BLTP1: variants seen among roughly 807,000 people sequenced by gnomAD.
BLTP1 encodes fragile site-associated protein.
chr4:122,226,412 T>C, the BLTP1 span: 35 of 1,135,972 alleles, frequency 3.1e-5, no homozygotes, highest in South Asian at 7.7e-4. Context: ...GGAAGATATA[T>C]AACCTTGAAT....
chr4:122,220,419 GCTGCAA>G, the BLTP1 span: 1 of 1,612,186 alleles, frequency 6.2e-7, no homozygotes, highest in Non-Finnish European at 8.5e-7. Flanking sequence ...GGGAGACCAT[GCTGCAA>G]CTTATCCTGT....
chr4:122,184,037 A>G, the BLTP1 span, among the ~76,000 whole-genome samples: 1 of 152,202 alleles, frequency 6.6e-6, no homozygotes, highest in African/African-American at 2.4e-5. Flanking sequence ...TTAAAAAAGA[A>G]AAGTTTAGTC....
the BLTP1 span, chr4:122,263,114 A>T: frequency 1.4e-6 from 2 of 1,386,922 alleles, no homozygotes; most frequent in Non-Finnish European, 1.9e-6. Flanking sequence ...TTGAGAAAAA[A>T]TTTTAGGAAT....
the BLTP1 span, chr4:122,205,817 C>CACACAT: frequency 4.6e-6 from 1 of 219,032 alleles, no homozygotes; most frequent in East Asian, 1.9e-4. Flanking sequence ...CACACACACA[C>CACACAT]GTTCTAATTT....
At chr4:122,275,972 A>G in the BLTP1 span, 1 of 1,558,170 alleles carries the variant, frequency 6.4e-7, no homozygotes. Flanking sequence ...TCATCTGTAG[A>G]CTGGAGGATT....
the BLTP1 span, chr4:122,196,585 TA>T: frequency 6.9e-7 from 1 of 1,446,160 alleles, no homozygotes; most frequent in Non-Finnish European, 9.5e-7. Context: ...TTATCAGAAG[TA>T]ATTTTGTTTG....
the BLTP1 span, chr4:122,264,549 C>T: frequency 1.4e-5 from 11 of 803,816 alleles, no homozygotes; most frequent in African/African-American, 1.8e-5. Context: ...TATCTGCCTA[C>T]AGCCTTCATG....
At chr4:122,153,994 G>A in the BLTP1 span, 1 of 984,840 alleles carries the variant, frequency 1.0e-6, no homozygotes, top group African/African-American at 1.7e-5. Context: ...AGAATACCTT[G>A]TATAATTAGT....
At chr4:122,330,693 T>C in the BLTP1 span, among the ~76,000 whole-genome samples, 639 of 152,054 alleles carry the variant, frequency 4.2e-3, 2 homozygotes, top group African/African-American at 0.014. Context: ...TTTCCATTGC[T>C]TTGCAGAAGC....
chr4:122,214,953 T>C, the BLTP1 span, among the ~76,000 whole-genome samples: 1 of 152,078 alleles, frequency 6.6e-6, no homozygotes, highest in African/African-American at 2.4e-5. Flanking sequence ...GATTTGGAAT[T>C]CATAAATTAA....
the BLTP1 span, among the ~76,000 whole-genome samples, chr4:122,314,299 GA>G: frequency 1.3e-5 from 2 of 152,054 alleles, no homozygotes; most frequent in African/African-American, 4.8e-5. Flanking sequence ...AAAAAAGATG[GA>G]AAAATGTTAA....
chr4:122,247,856 A>G, the BLTP1 span: 1 of 979,692 alleles, frequency 1.0e-6, no homozygotes, highest in Non-Finnish European at 1.2e-6. Flanking sequence ...ACATCATTTT[A>G]ATATTTTTGA....
chr4:122,340,068 G>A, the BLTP1 span, among the ~76,000 whole-genome samples: 1 of 152,198 alleles, frequency 6.6e-6, no homozygotes, highest in Admixed American at 6.5e-5. Flanking sequence ...AGACTAGACT[G>A]AATGAAAACT....
At chr4:122,323,584 C>T in the BLTP1 span, among the ~76,000 whole-genome samples, 1 of 151,992 alleles carries the variant, frequency 6.6e-6, no homozygotes, top group Non-Finnish European at 1.5e-5. Context: ...CCTGCCCTTC[C>T]TTGATCACTT....
the BLTP1 span, chr4:122,257,399 A>G: frequency 5.0e-6 from 8 of 1,613,922 alleles, no homozygotes; most frequent in African/African-American, 5.3e-5. Context: ...TCAAATAGCT[A>G]TGGACCATGA....
the BLTP1 span, chr4:122,182,625 A>G: frequency 1.0e-6 from 1 of 985,042 alleles, no homozygotes. Context: ...TCCATCTACC[A>G]TTCTGCTTCC....
the BLTP1 span, among the ~76,000 whole-genome samples, chr4:122,316,039 T>A: frequency 6.6e-6 from 1 of 152,176 alleles, no homozygotes; most frequent in Non-Finnish European, 1.5e-5. Flanking sequence ...TGTACAACTT[T>A]GTGAATATAC....
chr4:122,246,409 A>G, the BLTP1 span: 1 of 1,126,704 alleles, frequency 8.9e-7, no homozygotes, highest in Non-Finnish European at 1.2e-6. Context: ...GTAATATTAA[A>G]AAAATATGTT....
At chr4:122,173,572 G>C in the BLTP1 span, among the ~76,000 whole-genome samples, 1 of 152,096 alleles carries the variant, frequency 6.6e-6, no homozygotes, top group African/African-American at 2.4e-5. Flanking sequence ...GAGTTTTAGA[G>C]GGAACAAACA....
Sources: gnomAD v4.1 joint callset for allele counts (sites outside exome capture counted in the v4.1 genomes callset) on GRCh38, gnomAD v4.1.1 for gene constraint, MANE v1.5 for transcripts, NCBI Gene and HGNC (gene_info 2026-07-23, HGNC 2026-07-21) for gene names.